TRAF3IP1: variants seen among roughly 807,000 people sequenced by gnomAD.
The protein encoded by TRAF3IP1 is intraflagellar transport 54.
In TRAF3IP1, 53 loss-of-function variants were observed where a neutral mutation model predicts 89.9. That is an observed-to-expected ratio of 0.59 (90% CI 0.47 to 0.74). The LOEUF is 0.74. TRAF3IP1 is among the 30% of genes least tolerant of loss of function. The pLI, the probability that TRAF3IP1 is intolerant of heterozygous loss-of-function variation, is 0.00. For synonymous variants in TRAF3IP1, 311 were observed against 322.1 expected (o/e 0.97, Z 0.37); for missense variants, 806 against 866.1 (o/e 0.93, Z 0.87).
At chr2:238,348,956 T>C in intron 11 of TRAF3IP1, 108 bp downstream of exon 11, 2 of 939,620 alleles carry the variant, frequency 2.1e-6, no homozygotes, top group East Asian at 4.8e-5. Flanking sequence ...AGCTAACTTA[T>C]GAGGAATTAC....
At position 238,321,003 on chromosome 2, in the gene TRAF3IP1, G is replaced by A. The variant is rs6716870; in HGVS notation, c.123+218G>A. 0.1 allele frequency among the ~76,000 whole-genome samples: 15,334 copies of A among 151,552 alleles called. 1,187 individuals are homozygous for A. The highest frequency in any genetic ancestry group is 0.22 in the African/African-American group (9,028 of 41,226). Reference sequence around the variant, plus strand: ...CGGGGACCTGTTCAGGGCCGGGTGTGGGCCGGGCACAGGGTGCGGGTCGGG... The same window carrying A: ...CGGGGACCTGTTCAGGGCCGGGTGTAGGCCGGGCACAGGGTGCGGGTCGGG... On this transcript the variant is annotated intron_variant, in intron 1 of 16. Transcript: ENST00000373327.
chr2:238,354,099 A>T (rs1429554801), intron 14 of TRAF3IP1, among the ~76,000 whole-genome samples: 1 of 152,084 alleles, frequency 6.6e-6, no homozygotes. Context: ...AACATAGTGG[A>T]TGTGTTTCAT....
In TRAF3IP1 at chr2:238,345,713, G is replaced by A. The variant is rs1698860776; in HGVS notation, c.1261+1115G>A. Among the ~76,000 whole-genome samples, 1 of 152,174 alleles carries A rather than the reference G, an allele frequency of 6.6e-6. No individual in the cohort carries two copies. The highest frequency in any genetic ancestry group is 1.5e-5 in the Non-Finnish European group (1 of 68,028). On this transcript the variant is annotated intron_variant, in intron 9 of 16. Transcript: ENST00000373327. The surrounding 1 kb of genome is among the most constrained non-coding windows in gnomAD (Gnocchi z 4.7). ...CCAGGGCTGCTGGCACGTGCTGGGG[G>A]AGCTGGCCTGGAGCGTAGAGGGAAG...
chr2:238,320,723 C>CCG lies in TRAF3IP1; in HGVS notation c.63_64dup (p.Leu22ArgfsTer2). ...GCTGGGGAAAGTGATTCGGAGGCCG[C>CCG]CGCTGACCGAGAAGCTGCTGAGCAA... On this transcript the variant is annotated frameshift_variant, in exon 1 of 17. Coordinates refer to ENST00000373327, the MANE Select transcript of TRAF3IP1 (RefSeq NM_015650.4). LOFTEE classifies it high-confidence loss of function. 6.9e-7 allele frequency: 1 copy of CCG among 1,450,988 alleles called. No homozygotes were observed. The highest frequency in any genetic ancestry group is 3.1e-5 in the East Asian group (1 of 32,102). 89.9% of individuals were successfully genotyped at this position (1,450,988 alleles called of 1,614,324 possible).
rs1470681312 is a variant in TRAF3IP1 at position 238,382,421 on chromosome 2, A to G, written c.1690-15038A>G. Among the ~76,000 whole-genome samples the G allele has an allele frequency of 2.6e-5, 4 of 152,266 alleles. No homozygotes were observed. In the East Asian group the frequency reaches 5.8e-4, roughly 22 times the overall value. Reference sequence around the variant, plus strand: ...CAGATTGACCACAAACTTTTGCAACATTAAATGTTGAAAGAATCCAGAAAA... The same window carrying G: ...CAGATTGACCACAAACTTTTGCAACGTTAAATGTTGAAAGAATCCAGAAAA... On this transcript the variant is annotated intron_variant, in intron 15 of 16. Transcript: ENST00000373327.
In TRAF3IP1 at chr2:238,398,830, A is replaced by G. The variant is rs367937586; in HGVS notation, c.1987A>G (p.Lys663Glu). ...GCAGCTGATCAAAGACCAGCAAGAC[A>G]AGATCTGTGCTGTGAAGGCCAACAT... ...LEQLIKDQQDKICAVKANILK... is the reference protein window; with the variant it reads ...LEQLIKDQQDEICAVKANILK... Residue 663 changes from lysine (K) to glutamate (E), a missense_variant, in exon 17 of 17, where the codon AAG becomes GAG. Physicochemically the swap from Lys to Glu is moderately conservative, Grantham distance 56. Around this residue, in one of 3 missense-constraint regions of TRAF3IP1, gnomAD observed 70 missense variants for 67.8 expected, o/e 1.03. Coordinates refer to ENST00000373327, the MANE Select transcript of TRAF3IP1 (RefSeq NM_015650.4). 4.3e-6 allele frequency: 7 copies of G among 1,613,544 alleles called. No individual in the cohort carries two copies. The African/African-American group carries it at 8.0e-5, about 18-fold the overall frequency.
At chr2:238,324,957 T>G (rs1427167060) in intron 1 of TRAF3IP1, among the ~76,000 whole-genome samples, 1 of 152,160 alleles carries the variant, frequency 6.6e-6, no homozygotes, top group Admixed American at 6.6e-5. Flanking sequence ...TGCCCAACTC[T>G]TCTGTAAGCC....
chr2:238,322,949 C>G (rs1010140228), intron 1 of TRAF3IP1, among the ~76,000 whole-genome samples: 1 of 152,110 alleles, frequency 6.6e-6, no homozygotes, highest in Non-Finnish European at 1.5e-5. Flanking sequence ...AAATGCTTTA[C>G]TGTACTGAAT....
intron 14 of TRAF3IP1, among the ~76,000 whole-genome samples, chr2:238,355,615 T>G (rs1372189056): frequency 2.0e-5 from 3 of 152,240 alleles, no homozygotes; most frequent in African/African-American, 7.2e-5. Context: ...CTGAAAGAAG[T>G]GGAATAGTCT....
intron 15 of TRAF3IP1, among the ~76,000 whole-genome samples, chr2:238,364,094 G>A (rs1313247725): frequency 1.3e-5 from 2 of 152,120 alleles, no homozygotes; most frequent in South Asian, 2.1e-4. Flanking sequence ...TACAAAACAG[G>A]TGTTTTCTGT....
intron 15 of TRAF3IP1, among the ~76,000 whole-genome samples, chr2:238,364,864 A>G (rs1354327645): frequency 1.3e-5 from 2 of 152,188 alleles, no homozygotes; most frequent in Admixed American, 1.3e-4. Flanking sequence ...ACAGGTGGGC[A>G]TGTATTGAAT....
intron 15 of TRAF3IP1, among the ~76,000 whole-genome samples, chr2:238,388,138 G>A (rs886507487): frequency 5.3e-5 from 8 of 151,916 alleles, no homozygotes; most frequent in African/African-American, 1.2e-4. Flanking sequence ...CTTTGTGGGG[G>A]CCAAGGTGGG....
rs1301837648 is a variant in TRAF3IP1 at position 238,320,894 on chromosome 2, G to GCC, written c.123+109_123+110insCC. ...GGGTGCGAGCCGGGCTCGGGCTCAG[G>GCC]TGCGGGTCGGGGGCCGGGGCTGGGC... is the stretch of plus-strand genomic sequence containing the variant. On this transcript the variant is annotated intron_variant, in intron 1 of 16. Coordinates refer to ENST00000373327, the MANE Select transcript of TRAF3IP1 (RefSeq NM_015650.4). 3.0e-6 allele frequency: 3 copies of GCC among 1,002,824 alleles called. No homozygotes were observed. In the South Asian group the frequency reaches 1.3e-4, roughly 45 times the overall value. 62.1% of individuals were successfully genotyped at this position (1,002,824 alleles called of 1,614,324 possible). A position where few individuals can be genotyped will look rare whatever the true frequency, so the allele number is the denominator to read the frequency against.
chr2:238,398,281 C>A (rs1384236930), intron 16 of TRAF3IP1, among the ~76,000 whole-genome samples: 2 of 57,138 alleles, frequency 3.5e-5, no homozygotes, highest in Non-Finnish European at 6.5e-5. Flanking sequence ...TAGGGGATAG[C>A]GGAGTGGGGG....
chr2:238,343,085 G>A (rs1256119661), intron 8 of TRAF3IP1, among the ~76,000 whole-genome samples: 1 of 146,634 alleles, frequency 6.8e-6, no homozygotes, highest in African/African-American at 2.4e-5. Flanking sequence ...CCTCATCTGG[G>A]CCCCCTATTT....
At chr2:238,384,539 ATTTTTTTTT>A (rs35203636) in intron 15 of TRAF3IP1, among the ~76,000 whole-genome samples, 1 of 119,906 alleles carries the variant, frequency 8.3e-6, no homozygotes, top group African/African-American at 3.2e-5. Flanking sequence ...CGCCTGGCTA[ATTTTTTTTT>A]TTTTTTTTTG....
intron 7 of TRAF3IP1, 113 bp downstream of exon 7, chr2:238,334,148 C>G: frequency 2.4e-6 from 2 of 816,398 alleles, no homozygotes; most frequent in Admixed American, 5.3e-5. Context: ...AACAGACTTG[C>G]TGTGTCTGGG....
chr2:238,384,671 C>T (rs971930008), intron 15 of TRAF3IP1, among the ~76,000 whole-genome samples: 2 of 151,728 alleles, frequency 1.3e-5, no homozygotes, highest in Admixed American at 1.3e-4. Context: ...GCGTGAGCCA[C>T]CACGCCTGGC....
chr2:238,365,960 C>T (rs1699855298), intron 15 of TRAF3IP1, among the ~76,000 whole-genome samples: 2 of 152,072 alleles, frequency 1.3e-5, no homozygotes, highest in South Asian at 2.1e-4. Flanking sequence ...AAAAATCAGA[C>T]ACCGGCTGGG....
Sources: allele counts gnomAD v4.1 joint callset (sites outside exome capture counted in the v4.1 genomes callset), GRCh38; gene constraint gnomAD v4.1.1; regional missense constraint gnomAD v4.1.1; non-coding constraint Gnocchi (gnomAD v3.1); transcripts MANE v1.5; gene names NCBI Gene and HGNC (gene_info 2026-07-23, HGNC 2026-07-21).